The following CSMD3 variants were observed in gnomAD, a reference collection of about 807,000 sequenced individuals.
CSMD3 encodes the protein CUB and sushi domain-containing protein 3.
A neutral mutation model predicts 435.2 loss-of-function variants in CSMD3; 177 were observed. The observed-to-expected ratio is 0.41, with a 90% CI of 0.36 to 0.46. CSMD3 has a LOEUF of 0.46. CSMD3 is among the 20% of genes least tolerant of loss of function. CSMD3 has a pLI of 0.34. For missense variants in CSMD3, 4,265 were observed against 4,504.6 expected (o/e 0.95, Z 1.52); for synonymous variants, 1,656 against 1,520.5 (o/e 1.09, Z -2.07).
chr8:112,826,631 C>T (rs2079688436), intron 12 of CSMD3, among the ~76,000 whole-genome samples: 1 of 152,174 alleles, frequency 6.6e-6, no homozygotes, highest in Non-Finnish European at 1.5e-5. Flanking sequence ...TCTTTTTCCT[C>T]TCCTTGGATC....
intron 13 of CSMD3, among the ~76,000 whole-genome samples, chr8:112,792,894 G>GA (rs927104719): frequency 6.6e-6 from 1 of 151,618 alleles, no homozygotes; most frequent in Non-Finnish European, 1.5e-5. Flanking sequence ...TCTTAAGGGT[G>GA]AAAAAATCAT....
At chr8:112,954,120 T>A (rs1013803656) in intron 8 of CSMD3, among the ~76,000 whole-genome samples, 1 of 151,500 alleles carries the variant, frequency 6.6e-6, no homozygotes, top group African/African-American at 2.4e-5. Flanking sequence ...CCTGATTTTG[T>A]AAGTGAAATT....
chr8:113,018,466 A>G (rs895344790), intron 6 of CSMD3, among the ~76,000 whole-genome samples: 10 of 152,162 alleles, frequency 6.6e-5, no homozygotes, highest in African/African-American at 2.2e-4. Context: ...AATTATTTAC[A>G]TAAGTAGTCT....
chr8:113,230,610 T>C (rs2093074967), intron 3 of CSMD3, among the ~76,000 whole-genome samples: 1 of 151,600 alleles, frequency 6.6e-6, no homozygotes, highest in South Asian at 2.1e-4. Flanking sequence ...ACTGTTTCAG[T>C]TCATTACATA....
intron 32 of CSMD3, among the ~76,000 whole-genome samples, chr8:112,410,610 ATATATG>A (rs1486477483): frequency 1.6e-4 from 6 of 37,438 alleles, no homozygotes; most frequent in African/African-American, 4.8e-4. Flanking sequence ...ATGTGTATAT[ATATATG>A]TATATATATG....
intron 37 of CSMD3, 44 bp from the exon 38 acceptor site, chr8:112,380,500 G>A (rs1586931297): frequency 1.1e-6 from 1 of 950,576 alleles, no homozygotes; most frequent in Non-Finnish European, 1.7e-6. Flanking sequence ...CACATAATAA[G>A]TACTATAATA....
In CSMD3 at chr8:112,224,798, G is replaced by A. The variant is rs891524968; in HGVS notation, c.11097C>T (p.Asn3699=). The A allele has an allele frequency of 5.6e-6, 9 of 1,613,900 alleles. No homozygotes were observed. The highest frequency in any genetic ancestry group is 7.6e-6 in the Non-Finnish European group (9 of 1,179,894). The change falls in exon 71 of 71, where the codon AAC becomes AAT. Residue 3699 remains asparagine, a synonymous_variant. Coordinates refer to ENST00000297405, the MANE Select transcript of CSMD3 (RefSeq NM_198123.2). The part of the protein sequence containing the change: ...VEGKAVRFDP[N]LNTVCTMV ...ATACCATTGTGCAAACCGTGTTCAA[G>A]TTGGGATCAAATCGTACCGCCTTCC...
chr8:113,133,720 T>C (rs1408721214), intron 4 of CSMD3, among the ~76,000 whole-genome samples: 1 of 152,012 alleles, frequency 6.6e-6, no homozygotes, highest in Non-Finnish European at 1.5e-5. Context: ...AAAAGTGACA[T>C]ATATATATAG....
chr8:113,191,419 C>T (rs555947280), intron 3 of CSMD3, among the ~76,000 whole-genome samples: 2 of 151,752 alleles, frequency 1.3e-5, no homozygotes, highest in South Asian at 2.1e-4. Context: ...AGAAGTCCCC[C>T]GTGTCTATTA....
chr8:113,429,996 C>T (rs930480275), intron 1 of CSMD3, among the ~76,000 whole-genome samples: 1 of 152,104 alleles, frequency 6.6e-6, no homozygotes, highest in Non-Finnish European at 1.5e-5. Flanking sequence ...TATCAGAATG[C>T]AGGGGATGAA....
rs527399736 is a variant in CSMD3, at chr8:113,204,995, T to G, written c.515-31079A>C. On this transcript the variant is annotated intron_variant, in intron 3 of 70. Transcript: ENST00000297405. Reference sequence around the variant, plus strand: ...GCTTGTGCAGGGGAACTCCTTTTTTTTTTTTGGAGACAAAGTCTCACTCTC... The same window carrying G: ...GCTTGTGCAGGGGAACTCCTTTTTTGTTTTTGGAGACAAAGTCTCACTCTC... Among the ~76,000 whole-genome samples, 833 of 151,932 alleles carry G rather than the reference T, an allele frequency of 5.5e-3. 13 individuals carry two copies. The highest frequency in any genetic ancestry group is 0.019 in the African/African-American group (802 of 41,408).
chr8:112,986,669 T>C (rs980252915), intron 6 of CSMD3, among the ~76,000 whole-genome samples: 11 of 152,076 alleles, frequency 7.2e-5, no homozygotes, highest in African/African-American at 2.2e-4. Context: ...GATTTACATA[T>C]AAAAAAGTCA....
intron 5 of CSMD3, among the ~76,000 whole-genome samples, chr8:113,073,278 A>G (rs1309286754): frequency 6.6e-6 from 1 of 151,846 alleles, no homozygotes; most frequent in African/African-American, 2.4e-5. Flanking sequence ...GTAAGTCAAT[A>G]CAGTGACTTT....
chr8:112,377,906 A>C (rs1829100757), intron 38 of CSMD3, among the ~76,000 whole-genome samples: 1 of 151,966 alleles, frequency 6.6e-6, no homozygotes, highest in South Asian at 2.1e-4. Flanking sequence ...CAATGGTAAA[A>C]AACAAAAAGC....
At chr8:113,091,722 C>CA (rs138105242) in intron 5 of CSMD3, among the ~76,000 whole-genome samples, 101,738 of 151,340 alleles carry the variant, frequency 0.67, 35,799 homozygotes, top group East Asian at 0.95. Flanking sequence ...TTAATCTTTT[C>CA]AAAAAAACAA....
chr8:113,171,794 G>A (rs1030941097), intron 4 of CSMD3, among the ~76,000 whole-genome samples: 1 of 152,148 alleles, frequency 6.6e-6, no homozygotes, highest in African/African-American at 2.4e-5. Flanking sequence ...TGTGAGCACA[G>A]GTACCAGTTA....
intron 5 of CSMD3, among the ~76,000 whole-genome samples, chr8:113,081,993 G>T (rs2089584203): frequency 6.6e-6 from 1 of 152,104 alleles, no homozygotes; most frequent in South Asian, 2.1e-4. Context: ...CATGCCCTCT[G>T]GGGATCTGAG....
At chr8:113,134,702 T>C (rs976875343) in intron 4 of CSMD3, among the ~76,000 whole-genome samples, 1 of 152,050 alleles carries the variant, frequency 6.6e-6, no homozygotes, top group Non-Finnish European at 1.5e-5. Context: ...TATTTACATA[T>C]GTATATACTC....
At chr8:113,370,355 C>T (rs1316890306) in intron 1 of CSMD3, among the ~76,000 whole-genome samples, 1 of 151,294 alleles carries the variant, frequency 6.6e-6, no homozygotes, top group East Asian at 1.9e-4. Context: ...TGTGATGTAT[C>T]TTCCAGCCTT....
Sources: gnomAD v4.1 joint callset for allele counts (sites outside exome capture counted in the v4.1 genomes callset) on GRCh38, gnomAD v4.1.1 for gene constraint, MANE v1.5 for transcripts, NCBI Gene and HGNC (gene_info 2026-07-23, HGNC 2026-07-21) for gene names.